The following SDK1 variants were observed in gnomAD, a reference collection of about 807,000 sequenced individuals.
The protein encoded by SDK1 is sidekick cell adhesion molecule 1.
In SDK1, 157 loss-of-function variants were observed where a neutral mutation model predicts 245.5. The ratio of observed to expected loss-of-function variants is 0.64; its 90% CI spans 0.56 to 0.73. SDK1 has a LOEUF of 0.73. Ranked by LOEUF, SDK1 falls within the 30% of genes least tolerant of loss-of-function variation. The probability of loss-of-function intolerance (pLI) is 0.00; values close to 1 mark genes in which losing one functional copy is unlikely to be tolerated. For synonymous variants in SDK1, 1,647 were observed against 1,278.5 expected (o/e 1.29, Z -6.15); for missense variants, 3,583 against 3,002.3 (o/e 1.19, Z -4.52).
rs1412232312 is a variant in SDK1, at chr7:4,233,257, G to A, written c.5830G>A (p.Glu1944Lys). Residue 1944 changes from glutamate to lysine, a missense_variant and splice_region_variant, in exon 41 of 45, where the codon GAA becomes AAA. Physicochemically the swap from Glu to Lys is moderately conservative, Grantham distance 56 (BLOSUM62 1). Transcript: ENST00000404826. The stretch of plus-strand genomic sequence containing the variant: ...TCGCCTCCCCATCCCTCTTGCAGAT[G>A]AAGGCTTATGGGACATGTTTGTGAA... ...GYVIEARPSDEGLWDMFVKDI... is the reference protein window; with the variant it reads ...GYVIEARPSDKGLWDMFVKDI... The A allele has an allele frequency of 6.2e-7, 1 of 1,612,110 alleles. No individual in the cohort carries two copies. The highest frequency in any genetic ancestry group is 8.5e-7 in the Non-Finnish European group (1 of 1,178,860).
At chr7:3,625,635 G>C (rs916398330) in intron 2 of SDK1, among the ~76,000 whole-genome samples, 3 of 152,252 alleles carry the variant, frequency 2.0e-5, no homozygotes, top group African/African-American at 4.8e-5. Flanking sequence ...CATCTCAGAA[G>C]TGCCCACTCT....
chr7:3,451,370 A>C (rs1780508530), intron 1 of SDK1, among the ~76,000 whole-genome samples: 1 of 152,170 alleles, frequency 6.6e-6, no homozygotes. Context: ...AGAGTAGGCC[A>C]GGGAAGAATG....
rs181444603 is a variant in SDK1 at position 4,108,661 on chromosome 7, C to T, written c.3325-2002C>T. On this transcript the variant is annotated intron_variant, in intron 22 of 44. Transcript: ENST00000404826. ...CATTCTACATTTCATTTTATTGTTT[C>T]TTTTTTTCGTTGAGGTGAAATTCAC... Among the ~76,000 whole-genome samples, 3 of 152,286 alleles carry T rather than the reference C, an allele frequency of 2.0e-5. No homozygotes were observed. The East Asian group carries it at 5.8e-4, about 29-fold the overall frequency.
At chr7:3,536,782 T>G (rs1229053180) in intron 1 of SDK1, among the ~76,000 whole-genome samples, 3 of 152,196 alleles carry the variant, frequency 2.0e-5, no homozygotes, top group Non-Finnish European at 4.4e-5. Context: ...CTTGTATTCG[T>G]TGGAATTTGA....
chr7:3,872,110 C>T (rs1179055903), intron 5 of SDK1, among the ~76,000 whole-genome samples: 1 of 152,158 alleles, frequency 6.6e-6, no homozygotes, highest in Non-Finnish European at 1.5e-5. Flanking sequence ...GATTGGTGAA[C>T]TTACCTTACA....
At chr7:3,330,538 C>G (rs944579668) in intron 1 of SDK1, among the ~76,000 whole-genome samples, 15 of 152,100 alleles carry the variant, frequency 9.9e-5, no homozygotes, top group African/African-American at 3.6e-4. Context: ...CACTGACATG[C>G]ATGTGTTTGC....
At chr7:3,648,741 G>A (rs1034933665) in intron 4 of SDK1, among the ~76,000 whole-genome samples, 3 of 152,114 alleles carry the variant, frequency 2.0e-5, no homozygotes, top group African/African-American at 7.2e-5. Context: ...TATTTTATAG[G>A]CATTTTGTGA....
intron 1 of SDK1, among the ~76,000 whole-genome samples, chr7:3,605,417 G>A (rs143701960): frequency 2.6e-5 from 4 of 152,316 alleles, no homozygotes; most frequent in African/African-American, 9.6e-5. Flanking sequence ...AGTCGTCAGT[G>A]AACTGCTGAG....
chr7:3,338,319 G>T, intron 1 of SDK1: 2 of 494,922 alleles, frequency 4.0e-6, no homozygotes, highest in South Asian at 2.0e-5. Context: ...AAGAGTCTAC[G>T]ATGTTACTCA....
intron 25 of SDK1, among the ~76,000 whole-genome samples, chr7:4,126,660 C>G (rs1784405497): frequency 6.6e-6 from 1 of 152,238 alleles, no homozygotes; most frequent in African/African-American, 2.4e-5. Flanking sequence ...GGCGAAGTTG[C>G]AGTGAGCCAA....
intron 32 of SDK1, among the ~76,000 whole-genome samples, chr7:4,162,366 GTTGTTATTATTATTA>G (rs1322916880): frequency 9.2e-6 from 1 of 108,980 alleles, no homozygotes; most frequent in African/African-American, 3.4e-5. Flanking sequence ...GGTTGTTGTT[GTTGTTATTATTATTA>G]TTATTATTAT....
chr7:4,020,861 G>T (rs1786832854), intron 17 of SDK1, among the ~76,000 whole-genome samples: 1 of 152,196 alleles, frequency 6.6e-6, no homozygotes, highest in Non-Finnish European at 1.5e-5. Context: ...GACTCAAAGG[G>T]CACTGTGAAG....
chr7:3,417,189 C>G (rs957401506), intron 1 of SDK1, among the ~76,000 whole-genome samples: 3 of 151,976 alleles, frequency 2.0e-5, no homozygotes, highest in African/African-American at 7.2e-5. Context: ...CAAAAAATAA[C>G]AAAAAAACTA....
intron 22 of SDK1, 95 bp downstream of exon 22, chr7:4,079,679 T>C: frequency 6.5e-7 from 1 of 1,526,856 alleles, no homozygotes; most frequent in South Asian, 1.2e-5. Context: ...GCTTGGGGTG[T>C]CGGGGAGATG....
intron 2 of SDK1, among the ~76,000 whole-genome samples, chr7:3,632,694 A>C (rs1232008634): frequency 6.6e-6 from 1 of 152,210 alleles, no homozygotes; most frequent in African/African-American, 2.4e-5. Context: ...TGTTTAATTT[A>C]ACTTCATATT....
At chr7:3,959,553 G>A (rs1214636185) in intron 8 of SDK1, among the ~76,000 whole-genome samples, 2 of 152,214 alleles carry the variant, frequency 1.3e-5, no homozygotes, top group East Asian at 3.9e-4. Flanking sequence ...TACCCGTTAA[G>A]TAATTTCTCA....
chr7:3,437,266 T>C (rs935483145), intron 1 of SDK1, among the ~76,000 whole-genome samples: 5 of 152,162 alleles, frequency 3.3e-5, no homozygotes, highest in African/African-American at 1.2e-4. Flanking sequence ...AAAAGTCTTA[T>C]AACATTGTTA....
chr7:3,614,580 A>G (rs1299400373), intron 1 of SDK1, among the ~76,000 whole-genome samples: 2 of 152,176 alleles, frequency 1.3e-5, no homozygotes, highest in Non-Finnish European at 2.9e-5. Context: ...ATCTGTGCAG[A>G]CTTGAATACT....
At chr7:4,123,326 A>C (rs1278446490) in intron 25 of SDK1, among the ~76,000 whole-genome samples, 1 of 151,944 alleles carries the variant, frequency 6.6e-6, no homozygotes, top group Non-Finnish European at 1.5e-5. Context: ...TTGTAGGTTT[A>C]CATTTTTTTT....
Sources: allele counts gnomAD v4.1 joint callset (sites outside exome capture counted in the v4.1 genomes callset), GRCh38; gene constraint gnomAD v4.1.1; transcripts MANE v1.5; gene names NCBI Gene and HGNC (gene_info 2026-07-23, HGNC 2026-07-21).